AGBL1: variants seen among roughly 807,000 people sequenced by gnomAD.
AGBL1 encodes the protein AGBL carboxypeptidase 1.
A neutral mutation model predicts 118.9 loss-of-function variants in AGBL1; 130 were observed. The ratio of observed to expected loss-of-function variants is 1.09; its 90% CI spans 0.95 to 1.26. The LOEUF (loss-of-function observed/expected upper bound fraction) is 1.26, where lower values mean the gene tolerates loss of function less well. Ranked by LOEUF, AGBL1 falls within the 50% of genes most tolerant of loss-of-function variation. The probability of loss-of-function intolerance (pLI) is 0.00; values close to 1 mark genes in which losing one functional copy is unlikely to be tolerated. For synonymous variants in AGBL1, 555 were observed against 478.9 expected (o/e 1.16, Z -2.08); for missense variants, 1,584 against 1,298.1 (o/e 1.22, Z -3.38).
chr15:86,750,128 AC>A (rs1277221941), intron 22 of AGBL1, among the ~76,000 whole-genome samples: 27 of 152,116 alleles, frequency 1.8e-4, no homozygotes, highest in African/African-American at 6.5e-4. Flanking sequence ...AATTTTTAAT[AC>A]TCAGGATTCC....
chr15:86,257,306 G>C (rs2078912272), intron 8 of AGBL1, among the ~76,000 whole-genome samples: 2 of 152,126 alleles, frequency 1.3e-5, no homozygotes, highest in Admixed American at 1.3e-4. Context: ...TTTTAAAAAA[G>C]TCTATTTAGA....
intron 22 of AGBL1, among the ~76,000 whole-genome samples, chr15:86,807,194 T>A (rs1327711897): frequency 6.6e-6 from 1 of 152,148 alleles, no homozygotes; most frequent in Non-Finnish European, 1.5e-5. Context: ...ATGCATTCGT[T>A]ACAAGCAAGC....
chr15:86,374,018 C>G (rs2081003905), intron 17 of AGBL1, among the ~76,000 whole-genome samples: 1 of 152,162 alleles, frequency 6.6e-6, no homozygotes, highest in African/African-American at 2.4e-5. Context: ...GACCGTCATA[C>G]AGAGGTTAGC....
At chr15:86,694,817 T>C in intron 22 of AGBL1, among the ~76,000 whole-genome samples, 1 of 152,156 alleles carries the variant, frequency 6.6e-6, no homozygotes. Context: ...ATGCTGGATT[T>C]TGTCAAATAC....
At chr15:86,448,206 A>G (rs927269146) in intron 18 of AGBL1, among the ~76,000 whole-genome samples, 4 of 152,226 alleles carry the variant, frequency 2.6e-5, no homozygotes. Flanking sequence ...AAAGGAAGTT[A>G]GAGGAGTAAG....
intron 22 of AGBL1, among the ~76,000 whole-genome samples, chr15:86,755,347 C>T (rs779330968): frequency 1.2e-4 from 19 of 152,060 alleles, no homozygotes; most frequent in Non-Finnish European, 2.6e-4. Flanking sequence ...GTTATTATTA[C>T]AGCTGAGTAG....
intron 6 of AGBL1, among the ~76,000 whole-genome samples, chr15:86,234,816 C>T (rs2078513189): frequency 6.6e-6 from 1 of 152,104 alleles, no homozygotes; most frequent in South Asian, 2.1e-4. Context: ...TAAAGATGAA[C>T]TCTTGTTTTA....
chr15:86,646,593 T>G (rs568720824), intron 21 of AGBL1, among the ~76,000 whole-genome samples: 1 of 152,270 alleles, frequency 6.6e-6, no homozygotes, highest in Non-Finnish European at 1.5e-5. Context: ...TTTCTTTTTT[T>G]TAAGTTATTG....
intron 17 of AGBL1, among the ~76,000 whole-genome samples, chr15:86,308,096 T>C (rs2079867651): frequency 6.6e-6 from 1 of 152,198 alleles, no homozygotes; most frequent in Non-Finnish European, 1.5e-5. Context: ...CTATTTATAA[T>C]TGCTTATCTT....
chr15:86,938,004 G>A (rs2080696821), intron 23 of AGBL1, among the ~76,000 whole-genome samples: 1 of 152,054 alleles, frequency 6.6e-6, no homozygotes, highest in Non-Finnish European at 1.5e-5. Flanking sequence ...AGAAGAAATG[G>A]CCAATACAGT....
chr15:86,698,281 AAAAG>A (rs1301167498), intron 22 of AGBL1, among the ~76,000 whole-genome samples: 3 of 152,026 alleles, frequency 2.0e-5, no homozygotes, highest in Non-Finnish European at 2.9e-5. Flanking sequence ...CCTGGAGGGG[AAAAG>A]AAAGAATAAA....
intron 1 of AGBL1, among the ~76,000 whole-genome samples, chr15:86,102,557 A>G (rs113658675): frequency 0.014 from 2,134 of 152,240 alleles, 23 homozygotes; most frequent in Non-Finnish European, 0.022. Flanking sequence ...TTTGCTGTGT[A>G]TAGTATTCTT....
intron 21 of AGBL1, among the ~76,000 whole-genome samples, chr15:86,583,553 T>C (rs994789132): frequency 1.2e-4 from 19 of 152,198 alleles, no homozygotes; most frequent in Non-Finnish European, 2.6e-4. Context: ...GGTGTATATA[T>C]GTACATTTCC....
chr15:86,487,638 G>A (rs532706874), intron 18 of AGBL1, among the ~76,000 whole-genome samples: 5 of 151,920 alleles, frequency 3.3e-5, no homozygotes, highest in African/African-American at 7.3e-5. Flanking sequence ...AGGAGGCCGA[G>A]ACCAGTGCCA....
intron 21 of AGBL1, among the ~76,000 whole-genome samples, chr15:86,621,019 C>T (rs1014480584): frequency 1.3e-5 from 2 of 148,344 alleles, no homozygotes; most frequent in Admixed American, 6.7e-5. Context: ...CTCTTCTCCT[C>T]GCTTTCCTGG....
intron 21 of AGBL1, among the ~76,000 whole-genome samples, chr15:86,644,956 G>T (rs2085253548): frequency 6.6e-6 from 1 of 152,092 alleles, no homozygotes; most frequent in Non-Finnish European, 1.5e-5. Flanking sequence ...AGGAGGCGGA[G>T]GTTGCAGCGA....
At chr15:86,652,101 G>A (rs1376878079) in intron 21 of AGBL1, among the ~76,000 whole-genome samples, 2 of 152,028 alleles carry the variant, frequency 1.3e-5, no homozygotes, top group Non-Finnish European at 2.9e-5. Context: ...CAATAAAAAG[G>A]AAACCTCTGT....
chr15:86,913,303 G>A lies in AGBL1; in HGVS notation c.*6009G>A, dbSNP rs1200380247. On this transcript the variant is annotated 3_prime_UTR_variant, in exon 23 of 23. Coordinates refer to ENST00000614907, the MANE Select transcript of AGBL1 (RefSeq NM_001386094.1). ...ACACATGACACATGTTCATACAGGT[G>A]AGGGGCAGCTGGTTGATGATTTTAG... The A allele has an allele frequency of 1.3e-5, 2 of 152,176 alleles. No individual in the cohort carries two copies. The highest frequency in any genetic ancestry group is 4.8e-5 in the African/African-American group (2 of 41,424). The allele number at this position is 152,176 out of a possible 1,614,324, so 9.4% of individuals were successfully genotyped here. A position where few individuals can be genotyped will look rare whatever the true frequency, so the allele number is the denominator to read the frequency against.
intron 5 of AGBL1, among the ~76,000 whole-genome samples, chr15:86,184,507 T>A (rs2077601226): frequency 6.6e-6 from 1 of 151,682 alleles, no homozygotes. Context: ...TGAATTTGAA[T>A]GTTGGCCTGC....
Sources: allele counts gnomAD v4.1 joint callset (sites outside exome capture counted in the v4.1 genomes callset), GRCh38; gene constraint gnomAD v4.1.1; transcripts MANE v1.5; gene names NCBI Gene and HGNC (gene_info 2026-07-23, HGNC 2026-07-21).